The following TNS3 variants were observed in gnomAD, a reference collection of about 807,000 sequenced individuals.
TNS3 encodes tensin 3.
In TNS3, 45 loss-of-function variants were observed where a neutral mutation model predicts 140.9. The ratio of observed to expected loss-of-function variants is 0.32; its 90% CI spans 0.25 to 0.41. The LOEUF is 0.41. Ranked by LOEUF, TNS3 falls within the 10% of genes least tolerant of loss-of-function variation. The pLI is 1.00. For synonymous variants in TNS3, 815 were observed against 788.4 expected (o/e 1.03, Z -0.56); for missense variants, 1,716 against 1,906.7 (o/e 0.90, Z 1.86).
intron 27 of TNS3, among the ~76,000 whole-genome samples, chr7:47,289,847 T>C (rs1339193946): frequency 6.6e-6 from 1 of 152,162 alleles, no homozygotes; most frequent in Non-Finnish European, 1.5e-5. Context: ...CAATGCAATC[T>C]CAATAAAAAT....
In TNS3 at chr7:47,389,086, G is replaced by A. The variant is rs184245134; in HGVS notation, c.1024+7714C>T. Among the ~76,000 whole-genome samples the A allele has an allele frequency of 5.8e-3, 304 of 52,316 alleles. 63 individuals carry two copies. Among genetic ancestry groups the A allele is most frequent in the African/African-American group, 0.038 (245 of 6,528 alleles). 34.3% of individuals were successfully genotyped at this position (52,316 alleles called of 152,430 possible). ...AAGAAGAAGAAGAAGAAGAAGAAGA[G>A]GAAGAGGAAGAGGAAGCGGAAGCAG... On this transcript the variant is annotated intron_variant, in intron 16 of 30. Coordinates refer to ENST00000311160, the MANE Select transcript of TNS3 (RefSeq NM_022748.12).
At chr7:47,442,972 T>C (rs1013024069) in intron 4 of TNS3, among the ~76,000 whole-genome samples, 4 of 152,242 alleles carry the variant, frequency 2.6e-5, no homozygotes, top group African/African-American at 9.6e-5. Flanking sequence ...TATGTATATT[T>C]CGGAGACCAA....
rs568595813 is a variant in TNS3, at chr7:47,385,450, A to G, written c.1024+11350T>C. 6.6e-5 allele frequency among the ~76,000 whole-genome samples: 10 copies of G among 152,258 alleles called. No homozygotes were observed. The East Asian group carries it at 7.7e-4, about 12-fold the overall frequency. On this transcript the variant is annotated intron_variant, in intron 16 of 30. Transcript: ENST00000311160. ...CCTCTGCACGGAGCTGTGCCATCCA[A>G]TTCAGCTCTGTATCTGCAGCATCCA...
intron 18 of TNS3, 75 bp downstream of exon 18, chr7:47,346,112 C>A: frequency 7.0e-6 from 11 of 1,565,256 alleles, no homozygotes; most frequent in Non-Finnish European, 9.6e-6. Flanking sequence ...TGGTCATTGC[C>A]CATTCACTCG....
At chr7:47,449,063 A>T (rs1425909103) in intron 4 of TNS3, among the ~76,000 whole-genome samples, 1 of 152,188 alleles carries the variant, frequency 6.6e-6, no homozygotes, top group Non-Finnish European at 1.5e-5. Context: ...CTCACTGCAG[A>T]TTGTCCCTGA....
intron 3 of TNS3, among the ~76,000 whole-genome samples, chr7:47,483,912 C>G (rs530898658): frequency 6.6e-6 from 1 of 152,380 alleles, no homozygotes. Flanking sequence ...CAGGACTTCA[C>G]TTGGAAATGA....
chr7:47,567,683 CAAAAAAAA>C (rs57071957), intron 1 of TNS3, among the ~76,000 whole-genome samples: 23 of 85,038 alleles, frequency 2.7e-4, no homozygotes, highest in South Asian at 3.5e-4. Flanking sequence ...GACTCGGTCT[CAAAAAAAA>C]AAAAAAAAAA....
chr7:47,284,194 C>T (rs1445329805), intron 27 of TNS3, among the ~76,000 whole-genome samples: 1 of 152,194 alleles, frequency 6.6e-6, no homozygotes, highest in African/African-American at 2.4e-5. Context: ...CCTCGTGTCC[C>T]AGGTGGAGCC....
At chr7:47,459,080 A>C (rs1796376124) in intron 4 of TNS3, among the ~76,000 whole-genome samples, 2 of 152,240 alleles carry the variant, frequency 1.3e-5, no homozygotes, top group South Asian at 4.1e-4. Context: ...GCAATTTTTA[A>C]CAGTGGCATA....
At chr7:47,297,930 G>A (rs965695132) in intron 23 of TNS3, among the ~76,000 whole-genome samples, 19 of 151,756 alleles carry the variant, frequency 1.3e-4, no homozygotes, top group South Asian at 1.0e-3. Flanking sequence ...GGGACTACAG[G>A]CACCTGCCAC....
intron 2 of TNS3, among the ~76,000 whole-genome samples, chr7:47,513,901 C>T (rs1052184836): frequency 1.3e-5 from 2 of 152,252 alleles, no homozygotes; most frequent in Non-Finnish European, 2.9e-5. Context: ...GTTTAAGAAT[C>T]CTGGCTCCCG....
chr7:47,522,927 C>CA (rs370083525), intron 2 of TNS3, among the ~76,000 whole-genome samples: 43 of 139,724 alleles, frequency 3.1e-4, no homozygotes, highest in African/African-American at 5.0e-4. Context: ...GACTCCATCT[C>CA]AAAAAAAAAA....
chr7:47,435,522 T>A (rs1211687411), intron 7 of TNS3, 118 bp from the exon 8 acceptor site: 2 of 1,461,800 alleles, frequency 1.4e-6, no homozygotes, highest in Admixed American at 3.7e-5. Flanking sequence ...ACATGCTGGG[T>A]GACCCTTTCC....
At chr7:47,333,531 A>G (rs1427829040) in intron 20 of TNS3, among the ~76,000 whole-genome samples, 1 of 152,234 alleles carries the variant, frequency 6.6e-6, no homozygotes, top group African/African-American at 2.4e-5. Flanking sequence ...AAGGGCCTCT[A>G]TAAATGTCAC....
At chr7:47,307,505 A>G (rs1786827885) in intron 20 of TNS3, among the ~76,000 whole-genome samples, 1 of 152,212 alleles carries the variant, frequency 6.6e-6, no homozygotes, top group Non-Finnish European at 1.5e-5. Context: ...GAATGGCTGG[A>G]CCATATGGTA....
Position 47,344,969 on chromosome 7 carries a change from T to C in TNS3, c.2521A>G (p.Met841Val), listed in dbSNP as rs1789246654. The C allele has an allele frequency of 1.2e-6, 2 of 1,614,252 alleles. No individual in the cohort carries two copies. The highest frequency in any genetic ancestry group is 1.7e-6 in the Non-Finnish European group (2 of 1,180,048). The change falls in exon 19 of 31, where the codon ATG becomes GTG. Residue 841 changes from methionine (M) to valine (V), a missense_variant. Around this residue, in one of 3 missense-constraint regions of TNS3, gnomAD observed 1,163 missense variants for 1,182.1 expected, o/e 0.98. Transcript: ENST00000311160. ...ACAGGAAATGCTGGAGTTGAACACA[T>C]GGACTCCTTGCTACTTAAAATTCTG... ...DGRILSSKES[M>V]CSTPAFPVSP...
Position 47,297,062 on chromosome 7 carries a change from A to T in TNS3, c.3676+20T>A. 1 of 1,614,110 alleles carries T rather than the reference A, an allele frequency of 6.2e-7. No individual in the cohort carries two copies. The highest frequency in any genetic ancestry group is 8.5e-7 in the Non-Finnish European group (1 of 1,180,032). The stretch of plus-strand genomic sequence containing the variant: ...CTCTGTGGATGAGCTGAACAGATCA[A>T]TAGGGAGCAGTAACCTTACCTTTCT... On this transcript the variant is annotated intron_variant, in intron 24 of 30. Coordinates refer to ENST00000311160, the MANE Select transcript of TNS3 (RefSeq NM_022748.12).
rs528023711 is a variant in TNS3, at chr7:47,299,741, G to A, written c.3544+2445C>T. 2.0e-5 allele frequency among the ~76,000 whole-genome samples: 3 copies of A among 152,222 alleles called. No individual in the cohort carries two copies. The East Asian group carries it at 5.8e-4, about 29-fold the overall frequency. On this transcript the variant is annotated intron_variant, in intron 23 of 30. Transcript: ENST00000311160. ...GGAGTAAGAGGAGAATTTTAGACCC[G>A]CTGTTTTTCCAAACAGAAGTAGGCT...
At chr7:47,393,335 G>A (rs918084319) in intron 16 of TNS3, among the ~76,000 whole-genome samples, 1 of 152,122 alleles carries the variant, frequency 6.6e-6, no homozygotes, top group Non-Finnish European at 1.5e-5. Flanking sequence ...CCCCAGACAC[G>A]CCAGACAGCA....
Sources: allele counts gnomAD v4.1 joint callset (sites outside exome capture counted in the v4.1 genomes callset), GRCh38; gene constraint gnomAD v4.1.1; regional missense constraint gnomAD v4.1.1; transcripts MANE v1.5; gene names NCBI Gene and HGNC (gene_info 2026-07-23, HGNC 2026-07-21).